QTMAN: variants seen among roughly 807,000 people sequenced by gnomAD.
QTMAN encodes the protein tRNA-queuosine alpha-mannosyltransferase.
chr2:144,150,282 C>T, the QTMAN span, among the ~76,000 whole-genome samples: 7 of 151,976 alleles, frequency 4.6e-5, no homozygotes, highest in Non-Finnish European at 1.0e-4. Context: ...GTTGCTAAGA[C>T]TCATTACCTA....
At chr2:144,005,525 C>T in the QTMAN span, among the ~76,000 whole-genome samples, 4 of 152,060 alleles carry the variant, frequency 2.6e-5, no homozygotes. Context: ...TGGCAACCTC[C>T]AAGTTTCCAA....
the QTMAN span, among the ~76,000 whole-genome samples, chr2:144,153,785 T>C: frequency 6.6e-6 from 1 of 152,202 alleles, no homozygotes; most frequent in African/African-American, 2.4e-5. Context: ...TTAATCACCA[T>C]AATATTGTAA....
At chr2:144,269,648 T>G in the QTMAN span, among the ~76,000 whole-genome samples, 8 of 151,886 alleles carry the variant, frequency 5.3e-5, no homozygotes, top group Non-Finnish European at 1.2e-4. Flanking sequence ...AATGAAACAT[T>G]CCAAAATAAA....
chr2:144,083,182 G>A, the QTMAN span, among the ~76,000 whole-genome samples: 2 of 152,214 alleles, frequency 1.3e-5, no homozygotes, highest in African/African-American at 4.8e-5. Flanking sequence ...CTGCGGACAT[G>A]GACCCAAAGA....
At chr2:144,048,079 T>G in the QTMAN span, among the ~76,000 whole-genome samples, 1 of 152,172 alleles carries the variant, frequency 6.6e-6, no homozygotes, top group South Asian at 2.1e-4. Context: ...AGACACAAAG[T>G]ACGTACTAAG....
chr2:144,203,367 A>G, the QTMAN span, among the ~76,000 whole-genome samples: 26 of 152,286 alleles, frequency 1.7e-4, no homozygotes, highest in Non-Finnish European at 3.1e-4. Context: ...GCATGCCTAA[A>G]TTAAACAATC....
the QTMAN span, among the ~76,000 whole-genome samples, chr2:144,081,049 A>G: frequency 6.6e-6 from 1 of 152,210 alleles, no homozygotes; most frequent in African/African-American, 2.4e-5. Context: ...AAAAGAAAAA[A>G]TACCTCTATT....
At chr2:143,997,136 T>C in the QTMAN span, among the ~76,000 whole-genome samples, 1 of 152,104 alleles carries the variant, frequency 6.6e-6, no homozygotes, top group African/African-American at 2.4e-5. Context: ...AATAAATCTT[T>C]TTCTACTCTG....
chr2:144,273,120 C>T, the QTMAN span, among the ~76,000 whole-genome samples: 12 of 152,086 alleles, frequency 7.9e-5, no homozygotes, highest in African/African-American at 2.2e-4. Flanking sequence ...AAAGCTCCAG[C>T]GCTTTCATCG....
the QTMAN span, among the ~76,000 whole-genome samples, chr2:143,977,062 C>A: frequency 6.6e-6 from 1 of 152,176 alleles, no homozygotes; most frequent in Non-Finnish European, 1.5e-5. Context: ...AAATGTCTGG[C>A]ACCCTGAATA....
the QTMAN span, among the ~76,000 whole-genome samples, chr2:144,314,491 T>A: frequency 1.3e-5 from 2 of 152,128 alleles, no homozygotes; most frequent in African/African-American, 4.8e-5. Context: ...GGCTGGCGGA[T>A]CATGAGGTCA....
the QTMAN span, among the ~76,000 whole-genome samples, chr2:144,182,883 ATT>A: frequency 1.5e-4 from 12 of 80,748 alleles, no homozygotes; most frequent in Admixed American, 1.8e-4. Flanking sequence ...TTATATATAT[ATT>A]TTATATATAT....
chr2:144,012,775 G>A, the QTMAN span, among the ~76,000 whole-genome samples: 1 of 152,236 alleles, frequency 6.6e-6, no homozygotes, highest in East Asian at 1.9e-4. Context: ...GATAGCAGGT[G>A]AAAATTAATT....
At chr2:144,061,861 C>A in the QTMAN span, among the ~76,000 whole-genome samples, 1 of 152,046 alleles carries the variant, frequency 6.6e-6, no homozygotes, top group Non-Finnish European at 1.5e-5. Context: ...AGAGAGGAAG[C>A]GTCTGAACAT....
chr2:144,025,038 G>T, the QTMAN span, among the ~76,000 whole-genome samples: 1 of 152,088 alleles, frequency 6.6e-6, no homozygotes, highest in Non-Finnish European at 1.5e-5. Context: ...TATCATCCTG[G>T]CATTTCAGCT....
chr2:144,052,073 C>G, the QTMAN span, among the ~76,000 whole-genome samples: 5 of 152,112 alleles, frequency 3.3e-5, no homozygotes, highest in Admixed American at 1.3e-4. Context: ...TTGTCTTGTT[C>G]ACTGCTGTAA....
the QTMAN span, among the ~76,000 whole-genome samples, chr2:143,994,539 A>G: frequency 2.0e-5 from 3 of 152,354 alleles, no homozygotes; most frequent in South Asian, 2.1e-4. Context: ...TACCCATATA[A>G]TGGAATATTA....
At chr2:144,147,097 G>A in the QTMAN span, among the ~76,000 whole-genome samples, 3 of 151,630 alleles carry the variant, frequency 2.0e-5, no homozygotes, top group Non-Finnish European at 2.9e-5. Flanking sequence ...ATGATCTGCC[G>A]CACTAGCCTT....
At chr2:144,106,134 T>C in the QTMAN span, among the ~76,000 whole-genome samples, 3 of 152,110 alleles carry the variant, frequency 2.0e-5, no homozygotes, top group Admixed American at 6.6e-5. Context: ...ACAACCGGTA[T>C]CAGCCACTGC....
Sources: gnomAD v4.1 joint callset for allele counts (sites outside exome capture counted in the v4.1 genomes callset) on GRCh38, gnomAD v4.1.1 for gene constraint, MANE v1.5 for transcripts, NCBI Gene and HGNC (gene_info 2026-07-23, HGNC 2026-07-21) for gene names.